USP4: variants seen among roughly 807,000 people sequenced by gnomAD.
USP4 encodes ubiquitin specific peptidase 4.
A neutral mutation model predicts 118.2 loss-of-function variants in USP4; 72 were observed. The observed-to-expected ratio is 0.61, with a 90% CI of 0.50 to 0.74. USP4 has a LOEUF of 0.74. Ranked by LOEUF, USP4 falls within the 30% of genes least tolerant of loss-of-function variation. USP4 has a pLI of 0.00. For missense variants in USP4, 1,037 were observed against 1,185.7 expected, an observed-to-expected ratio of 0.87 and a Z score of 1.84; for synonymous variants, 415 against 440.4, an observed-to-expected ratio of 0.94 and a Z score of 0.72.
chr3:49,327,163 T>C lies in USP4; in HGVS notation c.360+523A>G, dbSNP rs139779217. On this transcript the variant is annotated intron_variant, in intron 3 of 21. Coordinates refer to ENST00000265560, the MANE Select transcript of USP4 (RefSeq NM_003363.4). ...CGCTGCTGGGCACATTCCAAGCCAC[T>C]GGGCAGCTCTGATGTTTAGAGGCCA... 6.3e-3 allele frequency among the ~76,000 whole-genome samples: 966 copies of C among 152,336 alleles called. 14 individuals carry two copies. Among genetic ancestry groups the C allele is most frequent in the African/African-American group, 0.022 (894 of 41,578 alleles).
intron 15 of USP4, among the ~76,000 whole-genome samples, chr3:49,289,903 C>G (rs1263069915): frequency 6.6e-6 from 1 of 151,658 alleles, no homozygotes; most frequent in Admixed American, 6.6e-5. Context: ...CTCAGGAGTT[C>G]AAGACCAGCC....
Position 49,300,586 on chromosome 3 carries a change from C to A in USP4, c.1393G>T (p.Ala465Ser). Residue 465 changes from alanine to serine, a missense_variant, in exon 11 of 22, where the codon GCT (alanine) becomes TCT (serine). Physicochemically the swap from Ala to Ser is moderately conservative, Grantham distance 99 (BLOSUM62 1). Around this residue, in one of 3 missense-constraint regions of USP4, gnomAD observed 28 missense variants for 59.0 expected, o/e 0.47. Coordinates refer to ENST00000265560, the MANE Select transcript of USP4 (RefSeq NM_003363.4). ...GGGTCAAAGGTCACAGAAACCTTAGCACATTCTGGGCAAACCAAAGTAGAT... is the reference window on the plus strand; with the variant it reads ...GGGTCAAAGGTCACAGAAACCTTAGAACATTCTGGGCAAACCAAAGTAGAT... ...FKSTLVCPEC[A>S]KVSVTFDPFC... is the part of the protein sequence containing the mutation. 6.2e-7 allele frequency: 1 copy of A among 1,614,250 alleles called. No individual in the cohort carries two copies. Among genetic ancestry groups the A allele is most frequent in the Non-Finnish European group, 8.5e-7 (1 of 1,180,054 alleles).
At position 49,310,615 on chromosome 3, in the gene USP4, T is replaced by C; in HGVS notation, c.954+5A>G. ...TGTTATTTGAATGGAAGTTCTCTCCTCTACCTGCAAAGCGGAGTTCATGAA... is the reference window on the plus strand; with the variant it reads ...TGTTATTTGAATGGAAGTTCTCTCCCCTACCTGCAAAGCGGAGTTCATGAA... On this transcript the variant is annotated splice_donor_5th_base_variant and intron_variant, in intron 8 of 21. Coordinates refer to ENST00000265560, the MANE Select transcript of USP4 (RefSeq NM_003363.4). 1 of 1,610,832 alleles carries C rather than the reference T, an allele frequency of 6.2e-7. No homozygotes were observed. The highest frequency in any genetic ancestry group is 8.5e-7 in the Non-Finnish European group (1 of 1,177,028).
chr3:49,332,238 T>C (rs904153086), intron 2 of USP4, among the ~76,000 whole-genome samples: 1 of 151,962 alleles, frequency 6.6e-6, no homozygotes, highest in African/African-American at 2.4e-5. Flanking sequence ...GATTGTGCCA[T>C]TGCACTTCAG....
intron 9 of USP4, among the ~76,000 whole-genome samples, chr3:49,303,438 CAAAAAAAA>C (rs1173726988): frequency 1.3e-4 from 3 of 23,344 alleles, no homozygotes; most frequent in Non-Finnish European, 2.6e-4. Context: ...AAGGCTGTCT[CAAAAAAAA>C]AAAAAAAAAA....
intron 19 of USP4, 70 bp from the exon 20 acceptor site, chr3:49,280,917 C>A: frequency 1.5e-6 from 2 of 1,320,474 alleles, no homozygotes; most frequent in South Asian, 2.5e-5. Context: ...AGTAACCCAG[C>A]AACCTCTGTT....
rs907141052 is a variant in USP4 at position 49,298,059 on chromosome 3, A to G, written c.1597-95T>C. 1.4e-5 allele frequency: 12 copies of G among 833,506 alleles called. No individual in the cohort carries two copies. In the African/African-American group the frequency reaches 1.5e-4, roughly 11 times the overall value. 51.6% of individuals were successfully genotyped at this position (833,506 alleles called of 1,614,324 possible). A position where few individuals can be genotyped will look rare whatever the true frequency, so the allele number is the denominator to read the frequency against. On this transcript the variant is annotated intron_variant, in intron 12 of 21. Transcript: ENST00000265560. ...GAAACAAATGAAAAAAAAAATACTC[A>G]TACTCAAATGTTGCCTCTAGAGAAA...
chr3:49,283,216 A>C (rs148565411), intron 19 of USP4, among the ~76,000 whole-genome samples: 3 of 148,802 alleles, frequency 2.0e-5, no homozygotes, highest in Non-Finnish European at 4.4e-5. Context: ...GGGTTTCACC[A>C]TGTTGGCCAG....
intron 3 of USP4, among the ~76,000 whole-genome samples, chr3:49,326,677 G>A (rs960784514): frequency 2.0e-5 from 3 of 150,098 alleles, no homozygotes; most frequent in African/African-American, 7.3e-5. Flanking sequence ...TTACAGGCGT[G>A]AGCCACCATG....
intron 15 of USP4, among the ~76,000 whole-genome samples, chr3:49,289,089 C>T (rs1169823842): frequency 2.0e-5 from 3 of 152,028 alleles, no homozygotes; most frequent in Non-Finnish European, 2.9e-5. Flanking sequence ...CCAGCCTGGG[C>T]GACAGAGCAA....
Position 49,295,870 on chromosome 3 carries a change from T to C in USP4, c.1692-1272A>G, listed in dbSNP as rs1421493770. ...AGCATAGTGGTAAAGAACCAGGCCT[T>C]GGAGTGCACCTGCCCCAGGTTCCAG... On this transcript the variant is annotated intron_variant, in intron 13 of 21. Coordinates refer to ENST00000265560, the MANE Select transcript of USP4 (RefSeq NM_003363.4). Among the ~76,000 whole-genome samples, 3 of 152,032 alleles carry C rather than the reference T, an allele frequency of 2.0e-5. No homozygotes were observed. In the East Asian group the frequency reaches 5.8e-4, roughly 29 times the overall value.
At chr3:49,311,690 T>G in intron 6 of USP4, 36 bp from the exon 7 acceptor site, 1 of 1,610,640 alleles carries the variant, frequency 6.2e-7, no homozygotes, top group Non-Finnish European at 8.5e-7. Flanking sequence ...CTACTGACTT[T>G]TTGCAAAGAG....
intron 15 of USP4, among the ~76,000 whole-genome samples, chr3:49,290,769 C>A (rs2047143072): frequency 6.6e-6 from 1 of 152,244 alleles, no homozygotes; most frequent in South Asian, 2.1e-4. Context: ...CCTGCCTTGG[C>A]CTCCCAAAGT....
Position 49,329,555 on chromosome 3 carries a change from C to A in USP4, c.230-1739G>T, listed in dbSNP as rs145596895. On this transcript the variant is annotated intron_variant, in intron 2 of 21. Transcript: ENST00000265560. ...AGCTAGAACTACAGGTGCATGCCAC[C>A]AGGCCTAGCTAATTTTCGTATTTTT... is the stretch of plus-strand genomic sequence containing the variant. 2.7e-3 allele frequency among the ~76,000 whole-genome samples: 418 copies of A among 152,208 alleles called. 3 individuals carry two copies. Among genetic ancestry groups the A allele is most frequent in the African/African-American group, 9.3e-3 (388 of 41,536 alleles).
At chr3:49,315,255 A>G (rs1463385144) in intron 6 of USP4, among the ~76,000 whole-genome samples, 1 of 152,136 alleles carries the variant, frequency 6.6e-6, no homozygotes, top group Admixed American at 6.6e-5. Context: ...GGCTAAGCCG[A>G]GAGGATCCCT....
At chr3:49,317,547 T>G (rs1004970029) in intron 6 of USP4, 17,890 of 605,250 alleles carry the variant, frequency 0.03, 95 homozygotes, top group Admixed American at 0.052. Context: ...TGTTTGTTTT[T>G]TTTTTTTTTT....
intron 16 of USP4, 44 bp downstream of exon 16, chr3:49,286,054 T>C (rs1265232197): frequency 6.3e-7 from 1 of 1,586,030 alleles, no homozygotes; most frequent in Non-Finnish European, 8.7e-7. Context: ...AAACAGATCC[T>C]AAGACCCTAA....
chr3:49,286,882 C>T (rs2047097041), intron 15 of USP4, among the ~76,000 whole-genome samples: 1 of 147,990 alleles, frequency 6.8e-6, no homozygotes, highest in Non-Finnish European at 1.5e-5. Flanking sequence ...TGGAGTCTCA[C>T]TCTGTCACCC....
intron 16 of USP4, among the ~76,000 whole-genome samples, chr3:49,285,298 C>A (rs562648640): frequency 3.3e-5 from 5 of 150,020 alleles, no homozygotes; most frequent in Non-Finnish European, 7.4e-5. Context: ...AGATCCCTGA[C>A]AGAAGGAAAA....
Sources: allele counts gnomAD v4.1 joint callset (sites outside exome capture counted in the v4.1 genomes callset), GRCh38; gene constraint gnomAD v4.1.1; regional missense constraint gnomAD v4.1.1; transcripts MANE v1.5; gene names NCBI Gene and HGNC (gene_info 2026-07-23, HGNC 2026-07-21).